CTNNA2: variants seen among roughly 807,000 people sequenced by gnomAD.
CTNNA2 encodes the protein catenin alpha 2, also known as catenin alpha-2.
A neutral mutation model predicts 101.0 loss-of-function variants in CTNNA2; 42 were observed. The observed-to-expected ratio is 0.42, with a 90% CI of 0.32 to 0.54. CTNNA2 has a LOEUF of 0.54. Ranked by LOEUF, CTNNA2 falls within the 20% of genes least tolerant of loss-of-function variation. CTNNA2 has a pLI of 0.14. For missense variants in CTNNA2, 871 were observed against 1,223.1 expected (o/e 0.71, Z 4.29); for synonymous variants, 450 against 456.4 (o/e 0.99, Z 0.18).
At chr2:79,374,520 A>ATTTT (rs35015457) in intron 4 of CTNNA2, among the ~76,000 whole-genome samples, 16 of 151,730 alleles carry the variant, frequency 1.1e-4, no homozygotes, top group Non-Finnish European at 2.4e-4. Context: ...ATATATATAT[A>ATTTT]TTTTTCTATT....
At chr2:80,471,588 G>C (rs1572972282) in intron 9 of CTNNA2, among the ~76,000 whole-genome samples, 1 of 152,154 alleles carries the variant, frequency 6.6e-6, no homozygotes. Context: ...CTGGAGAGTG[G>C]TATTAAAACA....
intron 1 of CTNNA2, among the ~76,000 whole-genome samples, chr2:79,649,954 A>G (rs1681101321): frequency 6.6e-6 from 1 of 152,140 alleles, no homozygotes; most frequent in Admixed American, 6.5e-5. Flanking sequence ...TCTAGTAGAA[A>G]TAATCATCTA....
intron 9 of CTNNA2, among the ~76,000 whole-genome samples, chr2:80,486,428 G>T (rs1686589115): frequency 6.6e-6 from 1 of 151,992 alleles, no homozygotes; most frequent in African/African-American, 2.4e-5. Context: ...AATAACCATG[G>T]AAACACATTT....
intron 4 of CTNNA2, among the ~76,000 whole-genome samples, chr2:79,422,241 T>G (rs1678547811): frequency 6.6e-6 from 1 of 152,196 alleles, no homozygotes; most frequent in Non-Finnish European, 1.5e-5. Context: ...AATCTTTTTT[T>G]TTTTCAACTT....
chr2:79,704,405 T>G (rs1248230389), intron 2 of CTNNA2, among the ~76,000 whole-genome samples: 1 of 152,208 alleles, frequency 6.6e-6, no homozygotes, highest in Non-Finnish European at 1.5e-5. Flanking sequence ...TTTTTGTGCA[T>G]ATTTTCAACG....
At chr2:79,263,156 A>G (rs534820413) in intron 2 of CTNNA2, among the ~76,000 whole-genome samples, 1 of 152,322 alleles carries the variant, frequency 6.6e-6, no homozygotes, top group African/African-American at 2.4e-5. Flanking sequence ...AATTACTATG[A>G]TTTGAATGTG....
chr2:80,544,120 T>C (rs1483925382), intron 9 of CTNNA2, among the ~76,000 whole-genome samples: 2 of 152,070 alleles, frequency 1.3e-5, no homozygotes, highest in African/African-American at 4.8e-5. Context: ...TTGAATTCAG[T>C]CCAGCTGTTT....
At chr2:80,358,010 G>C (rs555556596) in intron 7 of CTNNA2, among the ~76,000 whole-genome samples, 2 of 152,122 alleles carry the variant, frequency 1.3e-5, no homozygotes, top group Non-Finnish European at 2.9e-5. Flanking sequence ...CTTCATGAAG[G>C]TAGGCTCTGT....
chr2:80,011,502 G>T (rs1417476290), intron 7 of CTNNA2, among the ~76,000 whole-genome samples: 1 of 152,150 alleles, frequency 6.6e-6, no homozygotes, highest in Non-Finnish European at 1.5e-5. Context: ...GAACCTACCA[G>T]TAGAGTAGAA....
intron 2 of CTNNA2, among the ~76,000 whole-genome samples, chr2:79,211,263 T>C (rs975437249): frequency 6.6e-6 from 1 of 152,206 alleles, no homozygotes; most frequent in Admixed American, 6.5e-5. Flanking sequence ...TCCGGCACAC[T>C]GTACAACTGA....
At chr2:80,081,429 A>G (rs17018594) in intron 7 of CTNNA2, among the ~76,000 whole-genome samples, 6,750 of 152,016 alleles carry the variant, frequency 0.044, 476 homozygotes, top group African/African-American at 0.15. Flanking sequence ...AATAAGTGGC[A>G]ATCTATAAAC....
intron 15 of CTNNA2, among the ~76,000 whole-genome samples, chr2:80,589,860 C>CTGTGTGTGTGTG (rs59206973): frequency 2.8e-4 from 39 of 140,576 alleles, no homozygotes; most frequent in Middle Eastern, 3.8e-3. Flanking sequence ...ATATGTACCT[C>CTGTGTGTGTGTG]TGTGTGTGTG....
chr2:79,760,591 A>G (rs1672724669), intron 3 of CTNNA2, among the ~76,000 whole-genome samples: 1 of 152,174 alleles, frequency 6.6e-6, no homozygotes, highest in Non-Finnish European at 1.5e-5. Flanking sequence ...TTAAATGTTA[A>G]CTATATCTAC....
intron 13 of CTNNA2, chr2:80,575,340 A>G (rs1001687890): frequency 2.6e-5 from 4 of 152,126 alleles, no homozygotes; most frequent in Non-Finnish European, 5.9e-5. Context: ...ATTTAACCAA[A>G]TGTATCCAAA....
chr2:79,342,484 A>G (rs977006644), intron 3 of CTNNA2, among the ~76,000 whole-genome samples: 6 of 152,180 alleles, frequency 3.9e-5, no homozygotes, highest in Non-Finnish European at 8.8e-5. Flanking sequence ...TATCTCTTCC[A>G]CCTCTATTTG....
intron 7 of CTNNA2, among the ~76,000 whole-genome samples, chr2:80,038,449 G>A (rs1056705535): frequency 6.6e-6 from 1 of 152,094 alleles, no homozygotes; most frequent in Non-Finnish European, 1.5e-5. Flanking sequence ...GGCCGGGCGC[G>A]GTGACTCACG....
chr2:80,638,778 G>A (rs537876246), intron 18 of CTNNA2, among the ~76,000 whole-genome samples: 1 of 152,298 alleles, frequency 6.6e-6, no homozygotes, highest in Non-Finnish European at 1.5e-5. Flanking sequence ...TGGACTGGCC[G>A]ACTATGAAGC....
intron 7 of CTNNA2, among the ~76,000 whole-genome samples, chr2:80,130,563 T>C (rs1403975077): frequency 6.6e-6 from 1 of 152,058 alleles, no homozygotes; most frequent in Non-Finnish European, 1.5e-5. Flanking sequence ...TATGTATACA[T>C]AAAACATACC....
intron 1 of CTNNA2, chr2:79,523,120 A>G: frequency 6.4e-6 from 2 of 312,086 alleles, no homozygotes; most frequent in Admixed American, 4.1e-5. Context: ...GTTTCCTGCC[A>G]TAATAAAAAT....
Sources: allele counts gnomAD v4.1 joint callset (sites outside exome capture counted in the v4.1 genomes callset), GRCh38; gene constraint gnomAD v4.1.1; transcripts MANE v1.5; gene names NCBI Gene and HGNC (gene_info 2026-07-23, HGNC 2026-07-21).